CTNNA2: variants seen among roughly 807,000 people sequenced by gnomAD.
CTNNA2 encodes the protein catenin alpha 2.
In CTNNA2, 42 loss-of-function variants were observed where a neutral mutation model predicts 101.0. The observed-to-expected ratio is 0.42, with a 90% CI of 0.32 to 0.54. The LOEUF (loss-of-function observed/expected upper bound fraction) is 0.54. Ranked by LOEUF, CTNNA2 falls within the 20% of genes least tolerant of loss-of-function variation. CTNNA2 has a pLI of 0.14. For synonymous variants in CTNNA2, 450 were observed against 456.4 expected (o/e 0.99, Z 0.18); for missense variants, 871 against 1,223.1 (o/e 0.71, Z 4.29).
chr2:79,872,807 C>T (rs986839133), intron 5 of CTNNA2, among the ~76,000 whole-genome samples: 6 of 152,168 alleles, frequency 3.9e-5, no homozygotes, highest in Non-Finnish European at 7.4e-5. Context: ...AAGAGAAGCC[C>T]AGTGGTTCAA....
intron 3 of CTNNA2, among the ~76,000 whole-genome samples, chr2:79,355,981 T>A (rs1253673095): frequency 6.6e-6 from 1 of 151,976 alleles, no homozygotes; most frequent in African/African-American, 2.4e-5. Context: ...GGTTATAAGG[T>A]AATTCTATAT....
chr2:79,726,486 T>C (rs963101189), intron 2 of CTNNA2, among the ~76,000 whole-genome samples: 8 of 152,104 alleles, frequency 5.3e-5, no homozygotes, highest in Non-Finnish European at 1.2e-4. Flanking sequence ...AACCCTATTG[T>C]GATTTGCACA....
At chr2:79,897,323 T>C (rs1435589106) in intron 6 of CTNNA2, among the ~76,000 whole-genome samples, 1 of 107,742 alleles carries the variant, frequency 9.3e-6, no homozygotes, top group African/African-American at 4.0e-5. Context: ...TAGGAAAATA[T>C]GCTTTACCGA....
intron 7 of CTNNA2, among the ~76,000 whole-genome samples, chr2:80,053,018 G>A (rs775473697): frequency 1.3e-5 from 2 of 151,944 alleles, no homozygotes; most frequent in Admixed American, 6.6e-5. Flanking sequence ...TATGTCTTTG[G>A]TGATGCATGA....
intron 7 of CTNNA2, among the ~76,000 whole-genome samples, chr2:80,356,722 C>T (rs972352361): frequency 2.0e-5 from 3 of 152,156 alleles, no homozygotes; most frequent in Non-Finnish European, 2.9e-5. Context: ...TCTCACCATC[C>T]AGGGAACCTC....
intron 1 of CTNNA2, among the ~76,000 whole-genome samples, chr2:79,565,142 T>C (rs1187981395): frequency 6.6e-6 from 1 of 152,094 alleles, no homozygotes; most frequent in Non-Finnish European, 1.5e-5. Flanking sequence ...GGTGGTGGTG[T>C]TGTAGGACTT....
chr2:80,024,055 T>C (rs1694764871), intron 7 of CTNNA2, among the ~76,000 whole-genome samples: 2 of 143,308 alleles, frequency 1.4e-5, no homozygotes, highest in South Asian at 2.2e-4. Context: ...CCACTGCACT[T>C]CAGCCTGGGC....
chr2:80,603,772 G>GC, intron 15 of CTNNA2: 1 of 307,172 alleles, frequency 3.3e-6, no homozygotes, highest in Non-Finnish European at 6.1e-6. Context: ...TTGGTACACG[G>GC]TAAGCAACTA....
intron 7 of CTNNA2, among the ~76,000 whole-genome samples, chr2:80,222,636 T>C (rs1708632407): frequency 6.6e-6 from 1 of 152,118 alleles, no homozygotes; most frequent in Non-Finnish European, 1.5e-5. Context: ...ATAAATTAGT[T>C]AGCTGGTACA....
chr2:80,135,169 G>A (rs1289260033), intron 7 of CTNNA2, among the ~76,000 whole-genome samples: 1 of 152,168 alleles, frequency 6.6e-6, no homozygotes, highest in African/African-American at 2.4e-5. Flanking sequence ...TTAGGCTTGG[G>A]TGATGCAGTT....
At chr2:80,535,552 AT>A in intron 9 of CTNNA2, among the ~76,000 whole-genome samples, 1 of 152,212 alleles carries the variant, frequency 6.6e-6, no homozygotes, top group Non-Finnish European at 1.5e-5. Context: ...GAGTCAGAAC[AT>A]AAACCCTGGG....
At chr2:79,345,666 T>A (rs893532741) in intron 3 of CTNNA2, among the ~76,000 whole-genome samples, 2 of 151,900 alleles carry the variant, frequency 1.3e-5, no homozygotes, top group Admixed American at 1.3e-4. Context: ...ATTGTGGGGT[T>A]TTTTGTTTGT....
intron 7 of CTNNA2, among the ~76,000 whole-genome samples, chr2:80,176,967 T>C (rs1573308244): frequency 6.6e-6 from 1 of 152,164 alleles, no homozygotes. Flanking sequence ...ATCCTGGCTA[T>C]GGGAGAAACA....
rs189330515 is a variant in CTNNA2, at chr2:79,215,391, A to G, written c.-406+17315A>G. On this transcript the variant is annotated intron_variant, in intron 2 of 21. Coordinates refer to the CTNNA2 transcript ENST00000466387. ...GGGGTTTGTCTCACAGTGGAGGCAA[A>G]GAATTGCAACTGAGAAATATGTTGC... is the stretch of plus-strand genomic sequence containing the variant. Among the ~76,000 whole-genome samples, 167 of 152,308 alleles carry G rather than the reference A, an allele frequency of 1.1e-3. 1 individual carries two copies. The highest frequency in any genetic ancestry group is 3.6e-3 in the African/African-American group (151 of 41,564).
chr2:79,645,949 A>T (rs1240781569), intron 1 of CTNNA2, among the ~76,000 whole-genome samples: 1 of 152,198 alleles, frequency 6.6e-6, no homozygotes, highest in Non-Finnish European at 1.5e-5. Context: ...CCTATCATAT[A>T]ATAAAGCTTC....
At chr2:79,886,776 A>G (rs1279359737) in intron 6 of CTNNA2, among the ~76,000 whole-genome samples, 16 of 142,172 alleles carry the variant, frequency 1.1e-4, no homozygotes, top group African/African-American at 4.1e-4. Context: ...AAAAAAAAAA[A>G]GAAGGAAATG....
chr2:79,832,195 A>G (rs2105431592), intron 3 of CTNNA2, among the ~76,000 whole-genome samples: 1 of 152,300 alleles, frequency 6.6e-6, no homozygotes, highest in East Asian at 1.9e-4. Context: ...GCCATGTTCC[A>G]TGTGCTACAA....
intron 8 of CTNNA2, among the ~76,000 whole-genome samples, chr2:80,405,587 C>A (rs1369420118): frequency 6.6e-6 from 1 of 152,126 alleles, no homozygotes; most frequent in African/African-American, 2.4e-5. Context: ...GTGTCCAGCT[C>A]CATGCCAGAA....
At chr2:79,354,453 A>G (rs1677461162) in intron 3 of CTNNA2, among the ~76,000 whole-genome samples, 1 of 151,994 alleles carries the variant, frequency 6.6e-6, no homozygotes, top group Non-Finnish European at 1.5e-5. Flanking sequence ...TTCTTTTCTC[A>G]GCTTGGTGTA....
Sources: allele counts gnomAD v4.1 joint callset (sites outside exome capture counted in the v4.1 genomes callset), GRCh38; gene constraint gnomAD v4.1.1; transcripts MANE v1.5; gene names NCBI Gene and HGNC (gene_info 2026-07-23, HGNC 2026-07-21).